The following ZMYND11 variants were observed in gnomAD, a reference collection of about 807,000 sequenced individuals.
ZMYND11 encodes zinc finger MYND-type containing 11, also known as zinc finger MYND domain-containing protein 11.
In ZMYND11, 9 loss-of-function variants were observed where a neutral mutation model predicts 84.9. The observed-to-expected ratio is 0.11, with a 90% confidence interval of 0.06 to 0.18. The LOEUF (loss-of-function observed/expected upper bound fraction) is 0.18. Among genes scored for constraint, ZMYND11 ranks in the 10% least tolerant of loss-of-function variants. ZMYND11 has a pLI of 1.00. For synonymous variants in ZMYND11, 250 were observed against 244.1 expected (o/e 1.02, Z -0.23); for missense variants, 409 against 761.0 (o/e 0.54, Z 5.44).
At chr10:151,378 A>T (rs542645659) in intron 1 of ZMYND11, among the ~76,000 whole-genome samples, 3 of 152,346 alleles carry the variant, frequency 2.0e-5, no homozygotes, top group African/African-American at 4.8e-5. Context: ...AAATGACCTG[A>T]TGGAGCTGAA....
At chr10:159,356 A>G (rs1047421245) in intron 1 of ZMYND11, among the ~76,000 whole-genome samples, 5 of 152,114 alleles carry the variant, frequency 3.3e-5, no homozygotes, top group African/African-American at 1.2e-4. Context: ...TGTTCCCACC[A>G]GTAGCGTATG....
At chr10:143,611 ATGT>A (rs1837986557) in intron 1 of ZMYND11, among the ~76,000 whole-genome samples, 1 of 152,090 alleles carries the variant, frequency 6.6e-6, no homozygotes, top group Admixed American at 6.6e-5. Flanking sequence ...ACCATTAGAG[ATGT>A]TGTCTTTTTA....
At chr10:231,749 T>TG (rs2131592764) in intron 4 of ZMYND11, among the ~76,000 whole-genome samples, 2 of 152,308 alleles carry the variant, frequency 1.3e-5, no homozygotes, top group South Asian at 4.1e-4. Context: ...AAGAATCCCT[T>TG]GTTCAAGATG....
chr10:172,587 TGATAGA>T (rs559255983), intron 1 of ZMYND11, among the ~76,000 whole-genome samples: 476 of 152,272 alleles, frequency 3.1e-3, no homozygotes, highest in Middle Eastern at 0.031. Context: ...AGAGCTCTGA[TGATAGA>T]GATAAAAGAT....
chr10:153,111 T>C (rs182979074), intron 1 of ZMYND11, among the ~76,000 whole-genome samples: 10 of 152,342 alleles, frequency 6.6e-5, no homozygotes, highest in Admixed American at 1.3e-4. Context: ...GGTACTGATG[T>C]ACTGATATGT....
At chr10:137,930 C>A (rs190596396) in intron 1 of ZMYND11, among the ~76,000 whole-genome samples, 16 of 152,230 alleles carry the variant, frequency 1.1e-4, no homozygotes, top group African/African-American at 3.9e-4. Context: ...ATAGAGATTG[C>A]TCATATGAAA....
At chr10:146,052 T>A in intron 1 of ZMYND11, among the ~76,000 whole-genome samples, 1 of 152,312 alleles carries the variant, frequency 6.6e-6, no homozygotes, top group African/African-American at 2.4e-5. Flanking sequence ...GAGTTGATTT[T>A]TGTATAAGGT....
At chr10:242,799 A>G (rs565164064) in intron 10 of ZMYND11, among the ~76,000 whole-genome samples, 1 of 152,332 alleles carries the variant, frequency 6.6e-6, no homozygotes, top group South Asian at 2.1e-4. Flanking sequence ...TCCCTGTGGT[A>G]AATTTTTACT....
At chr10:164,384 T>C (rs1363491461) in intron 1 of ZMYND11, among the ~76,000 whole-genome samples, 3 of 152,176 alleles carry the variant, frequency 2.0e-5, no homozygotes, top group Non-Finnish European at 4.4e-5. Context: ...TGCTGTGATA[T>C]CAAGCAACCT....
At position 252,527 on chromosome 10, in the gene ZMYND11, T is replaced by C; in HGVS notation, c.*57T>C. 2 of 1,535,734 alleles carry C rather than the reference T, an allele frequency of 1.3e-6. No homozygotes were observed. Among genetic ancestry groups the C allele is most frequent in the Non-Finnish European group, 1.7e-6 (2 of 1,143,386 alleles). The stretch of plus-strand genomic sequence containing the variant: ...TACTCTTTTCAGACACAGCGGTTTT[T>C]GTTTCCAAGAAGCCAAAATTGTTTA... On this transcript the variant is annotated 3_prime_UTR_variant, in exon 15 of 15. Coordinates refer to ENST00000381604, the MANE Select transcript of ZMYND11 (RefSeq NM_001370100.5). This position sits in a 1 kb window ranked among gnomAD's most constrained non-coding sequence, Gnocchi z 4.6.
At chr10:134,982 C>T (rs1429559787), upstream of ZMYND11, 1 of 149,526 alleles carries the variant, frequency 6.7e-6, no homozygotes, top group East Asian at 2.0e-4. Flanking sequence ...GCCGCTAGAG[C>T]CCCCAGTGCG....
intron 2 of ZMYND11, among the ~76,000 whole-genome samples, chr10:202,885 T>C (rs981523277): frequency 6.6e-6 from 1 of 152,172 alleles, no homozygotes; most frequent in Admixed American, 6.5e-5. Flanking sequence ...TGCTCTATGG[T>C]TGTTTCTTAG....
intron 1 of ZMYND11, among the ~76,000 whole-genome samples, chr10:169,308 C>G (rs1554764949): frequency 6.6e-6 from 1 of 152,104 alleles, no homozygotes; most frequent in Non-Finnish European, 1.5e-5. Flanking sequence ...AAGACGGCCT[C>G]CCTTCCCCAC....
At chr10:179,313 G>A (rs981712203) in intron 1 of ZMYND11, among the ~76,000 whole-genome samples, 1 of 152,204 alleles carries the variant, frequency 6.6e-6, no homozygotes. Flanking sequence ...TGTGGTGGCA[G>A]TTTTCTTCAA....
intron 1 of ZMYND11, chr10:154,757 A>G (rs1438454399): frequency 3.3e-5 from 5 of 152,220 alleles, no homozygotes; most frequent in African/African-American, 1.2e-4. Flanking sequence ...TATAAAGATG[A>G]AAAGATTTTC....
At chr10:167,805 GT>G (rs1169153483) in intron 1 of ZMYND11, among the ~76,000 whole-genome samples, 1 of 151,790 alleles carries the variant, frequency 6.6e-6, no homozygotes, top group Non-Finnish European at 1.5e-5. Context: ...TATTTTTAAA[GT>G]TTTTTTTAAT....
intron 2 of ZMYND11, among the ~76,000 whole-genome samples, chr10:195,970 G>A (rs1588855288): frequency 6.6e-6 from 1 of 152,174 alleles, no homozygotes; most frequent in African/African-American, 2.4e-5. Context: ...TAAGGACAGC[G>A]GGTCATATAA....
intron 3 of ZMYND11, among the ~76,000 whole-genome samples, chr10:215,714 C>T (rs1946105805): frequency 6.6e-6 from 1 of 151,890 alleles, no homozygotes; most frequent in Non-Finnish European, 1.5e-5. Flanking sequence ...TGCACTACCA[C>T]ACCCAGCTAA....
At chr10:233,923 C>A (rs921425357) in intron 4 of ZMYND11, among the ~76,000 whole-genome samples, 6 of 152,136 alleles carry the variant, frequency 3.9e-5, no homozygotes, top group Non-Finnish European at 8.8e-5. Flanking sequence ...CACATAGAAC[C>A]AAGTTTATGA....
Sources: allele counts gnomAD v4.1 joint callset (sites outside exome capture counted in the v4.1 genomes callset), GRCh38; gene constraint gnomAD v4.1.1; non-coding constraint Gnocchi (gnomAD v3.1); transcripts MANE v1.5; gene names NCBI Gene and HGNC (gene_info 2026-07-23, HGNC 2026-07-21).